The following RTN4IP1 variants were observed in gnomAD, a reference collection of about 807,000 sequenced individuals.
RTN4IP1 encodes the protein NAD(P)H oxidoreductase RTN4IP1, mitochondrial.
Under a neutral mutation model 46.6 loss-of-function variants are expected in RTN4IP1, and 32 were observed. The ratio of observed to expected loss-of-function variants is 0.69; its 90% CI spans 0.52 to 0.92. The LOEUF is 0.92. RTN4IP1 is among the 40% of genes least tolerant of loss of function. RTN4IP1 has a pLI of 0.00. For missense variants in RTN4IP1, 424 were observed against 485.8 expected (o/e 0.87, Z 1.20); for synonymous variants, 167 against 161.8 (o/e 1.03, Z -0.24).
chr6:106,582,633 G>A (rs1371471712), intron 8 of RTN4IP1, among the ~76,000 whole-genome samples: 1 of 152,056 alleles, frequency 6.6e-6, no homozygotes, highest in East Asian at 1.9e-4. Context: ...ATCAGCACCA[G>A]AATACCACCT....
intron 5 of RTN4IP1, 64 bp from the exon 6 acceptor site, chr6:106,592,364 GAAAAA>G: frequency 1.3e-6 from 2 of 1,510,540 alleles, no homozygotes; most frequent in Non-Finnish European, 1.8e-6. Context: ...TGACTGCATT[GAAAAA>G]AAAATCATTG....
At chr6:106,590,948 C>T (rs117372067) in intron 6 of RTN4IP1, among the ~76,000 whole-genome samples, 1 of 152,194 alleles carries the variant, frequency 6.6e-6, no homozygotes, top group Non-Finnish European at 1.5e-5. Context: ...CCAGCTGGAA[C>T]AATTGTTCTC....
At chr6:106,572,741 T>C (rs6936524) in intron 8 of RTN4IP1, among the ~76,000 whole-genome samples, 140,858 of 152,232 alleles carry the variant, frequency 0.93, 66,116 homozygotes, top group East Asian at 1. Context: ...ATGTATCCAT[T>C]TGGCTCCTTA....
At chr6:106,587,656 C>A (rs1183064912) in intron 7 of RTN4IP1, 23 bp downstream of exon 7, 3 of 1,587,120 alleles carry the variant, frequency 1.9e-6, no homozygotes, top group East Asian at 4.5e-5. Flanking sequence ...CCTGCAGTCA[C>A]CAACCAAGAC....
chr6:106,623,729 G>C (rs1776555879), intron 1 of RTN4IP1, among the ~76,000 whole-genome samples: 1 of 152,144 alleles, frequency 6.6e-6, no homozygotes, highest in Non-Finnish European at 1.5e-5. Context: ...CTTTTATACA[G>C]TTTTGCTTTG....
rs146888432 is a variant in RTN4IP1 at position 106,622,639 on chromosome 6, G to T, written c.426+179C>A. Among the ~76,000 whole-genome samples the T allele has an allele frequency of 1.1e-3, 175 of 152,310 alleles. 2 individuals are homozygous for T. The highest frequency in any genetic ancestry group is 4.0e-3 in the African/African-American group (168 of 41,558). On this transcript the variant is annotated intron_variant, in intron 2 of 8. Coordinates refer to ENST00000369063, the MANE Select transcript of RTN4IP1 (RefSeq NM_032730.5). ...ACTCGAGACCTACGTCATTTAATCT[G>T]TACTAAATAAATGCAAACTTTGTCA...
chr6:106,586,711 C>T (rs542137251), intron 7 of RTN4IP1, among the ~76,000 whole-genome samples: 1 of 152,206 alleles, frequency 6.6e-6, no homozygotes, highest in South Asian at 2.1e-4. Flanking sequence ...ATTTTAACAT[C>T]AATTCATATT....
At chr6:106,627,661 A>G (rs192832952) in intron 1 of RTN4IP1, among the ~76,000 whole-genome samples, 10 of 150,826 alleles carry the variant, frequency 6.6e-5, no homozygotes, top group African/African-American at 2.4e-4. Context: ...GGCATGCCCA[A>G]CTGGTAGTAG....
chr6:106,587,771 A>G lies in RTN4IP1; in HGVS notation c.898T>C (p.Leu300=), dbSNP rs1178760356. Residue 300 remains leucine, a synonymous_variant, in exon 7 of 9, where the codon TTG becomes CTG. Transcript: ENST00000369063. ...KKWSGATYVT[L]VTPFLLNMDR... ...ATGTTCAGGAGGAAAGGAGTCACCA[A>G]AGTCACATAGGTGGCTCCTGACCAT... 17 of 1,613,932 alleles carry G rather than the reference A, an allele frequency of 1.1e-5. No homozygotes were observed. Among genetic ancestry groups the G allele is most frequent in the Middle Eastern group, 1.6e-4 (1 of 6,080 alleles).
At position 106,592,163 on chromosome 6, in the gene RTN4IP1, C is replaced by T. The variant is rs772984484; in HGVS notation, c.806+1G>A. 18 of 1,613,454 alleles carry T rather than the reference C, an allele frequency of 1.1e-5. No homozygotes were observed. Among genetic ancestry groups the T allele is most frequent in the East Asian group, 4.5e-5 (2 of 44,858 alleles). ...AGTGTGAACATTGTTCTAATACATACGGTTTTAAGGATTTCAACTGCTCTT... is the reference window on the plus strand; with the variant it reads ...AGTGTGAACATTGTTCTAATACATATGGTTTTAAGGATTTCAACTGCTCTT... On this transcript the variant is annotated splice_donor_variant, in intron 6 of 8. Coordinates refer to ENST00000369063, the MANE Select transcript of RTN4IP1 (RefSeq NM_032730.5). LOFTEE classifies it high-confidence loss of function.
At chr6:106,607,704 A>G (rs2114662570) in intron 4 of RTN4IP1, 1 of 152,326 alleles carries the variant, frequency 6.6e-6, no homozygotes, top group South Asian at 2.1e-4. Flanking sequence ...ATTACCAAAA[A>G]GACAAAAAAC....
chr6:106,588,586 C>T (rs2114635238), intron 6 of RTN4IP1, among the ~76,000 whole-genome samples: 1 of 152,294 alleles, frequency 6.6e-6, no homozygotes, highest in South Asian at 2.1e-4. Flanking sequence ...TAAACTAAAA[C>T]TTCTGTAATC....
chr6:106,609,338 T>C (rs1055866115), intron 4 of RTN4IP1, among the ~76,000 whole-genome samples: 2 of 152,180 alleles, frequency 1.3e-5, no homozygotes, highest in Non-Finnish European at 2.9e-5. Context: ...GAGGATTGCT[T>C]GAGCCCAGGA....
At chr6:106,590,058 C>T (rs1040431231) in intron 6 of RTN4IP1, among the ~76,000 whole-genome samples, 1 of 152,164 alleles carries the variant, frequency 6.6e-6, no homozygotes, top group Non-Finnish European at 1.5e-5. Context: ...TGGCTCATGC[C>T]TGTAATCCCA....
intron 3 of RTN4IP1, 70 bp downstream of exon 3, chr6:106,621,355 C>T (rs1209245925): frequency 2.6e-6 from 3 of 1,136,988 alleles, no homozygotes; most frequent in Admixed American, 1.7e-5. Context: ...TGAAAAACAC[C>T]AGTTATTTCA....
chr6:106,624,796 C>G (rs1168823388), intron 1 of RTN4IP1, among the ~76,000 whole-genome samples: 2 of 150,780 alleles, frequency 1.3e-5, no homozygotes, highest in Non-Finnish European at 3.0e-5. Flanking sequence ...ATTAGCCAGG[C>G]ATAGTGGTAC....
At chr6:106,613,362 C>T (rs1302796221) in intron 4 of RTN4IP1, among the ~76,000 whole-genome samples, 1 of 152,160 alleles carries the variant, frequency 6.6e-6, no homozygotes. Flanking sequence ...TGTATCACTG[C>T]ACCCAGCACA....
chr6:106,593,634 G>A (rs1290864055), intron 5 of RTN4IP1, among the ~76,000 whole-genome samples: 2 of 152,158 alleles, frequency 1.3e-5, no homozygotes, highest in Non-Finnish European at 2.9e-5. Context: ...GGCACACAAA[G>A]GTGCTTAGTA....
At chr6:106,592,081 G>T in intron 6 of RTN4IP1, 83 bp downstream of exon 6, 1 of 1,384,682 alleles carries the variant, frequency 7.2e-7, no homozygotes, top group Non-Finnish European at 9.9e-7. Flanking sequence ...CAACATGATT[G>T]TAAAGCCACC....
Sources: allele counts gnomAD v4.1 joint callset (sites outside exome capture counted in the v4.1 genomes callset), GRCh38; gene constraint gnomAD v4.1.1; transcripts MANE v1.5; gene names NCBI Gene and HGNC (gene_info 2026-07-23, HGNC 2026-07-21).